Variants in CNTN5 observed in about 807,000 individuals in gnomAD.
CNTN5 encodes the protein contactin-5.
Under a neutral mutation model 129.1 loss-of-function variants are expected in CNTN5, and 77 were observed. The ratio of observed to expected loss-of-function variants is 0.60; its 90% CI spans 0.50 to 0.72. CNTN5 has a LOEUF of 0.72. Ranked by LOEUF, CNTN5 falls within the 30% of genes least tolerant of loss-of-function variation. CNTN5 has a pLI of 0.00. For synonymous variants in CNTN5, 509 were observed against 465.6 expected, an observed-to-expected ratio of 1.09 and a Z score of -1.20; for missense variants, 1,478 against 1,328.8, an observed-to-expected ratio of 1.11 and a Z score of -1.75.
intron 1 of CNTN5, among the ~76,000 whole-genome samples, chr11:99,174,594 A>G (rs1857685610): frequency 6.6e-6 from 1 of 152,070 alleles, no homozygotes. Flanking sequence ...ATTTTTTCTC[A>G]TATTGGCAAC....
intron 2 of CNTN5, among the ~76,000 whole-genome samples, chr11:99,435,555 C>T (rs1221152739): frequency 1.3e-5 from 2 of 152,194 alleles, no homozygotes; most frequent in Admixed American, 6.5e-5. Flanking sequence ...TGGTTACATG[C>T]ATCTACTTAA....
At chr11:100,339,654 T>C (rs1196421681) in intron 21 of CNTN5, among the ~76,000 whole-genome samples, 2 of 152,194 alleles carry the variant, frequency 1.3e-5, no homozygotes, top group Admixed American at 1.3e-4. Flanking sequence ...TGGGGACCCA[T>C]TTCTGTCTGC....
At chr11:99,787,742 G>GA (rs1026023947) in intron 3 of CNTN5, among the ~76,000 whole-genome samples, 6 of 151,876 alleles carry the variant, frequency 4.0e-5, no homozygotes, top group Non-Finnish European at 5.9e-5. Flanking sequence ...ACCAGAACCA[G>GA]AAAAAAATAT....
chr11:99,182,887 C>T (rs1858148909), intron 1 of CNTN5, among the ~76,000 whole-genome samples: 1 of 151,926 alleles, frequency 6.6e-6, no homozygotes, highest in Non-Finnish European at 1.5e-5. Context: ...ATATAATATG[C>T]AATCAAGAAG....
chr11:99,332,971 A>T (rs1354813967), intron 2 of CNTN5, among the ~76,000 whole-genome samples: 1 of 152,080 alleles, frequency 6.6e-6, no homozygotes, highest in East Asian at 1.9e-4. Flanking sequence ...CCATACTTTC[A>T]TGCATCGTAA....
At chr11:100,195,403 T>G (rs114260986) in intron 15 of CNTN5, among the ~76,000 whole-genome samples, 1 of 152,138 alleles carries the variant, frequency 6.6e-6, no homozygotes, top group Non-Finnish European at 1.5e-5. Flanking sequence ...GTTGATGTCA[T>G]TCATTTGTAT....
At chr11:99,999,421 G>A (rs1939704339) in intron 8 of CNTN5, among the ~76,000 whole-genome samples, 1 of 152,150 alleles carries the variant, frequency 6.6e-6, no homozygotes, top group African/African-American at 2.4e-5. Context: ...CATCATCACT[G>A]GCCATCAGAG....
intron 1 of CNTN5, among the ~76,000 whole-genome samples, chr11:99,234,896 C>T (rs1861187903): frequency 2.0e-5 from 3 of 152,234 alleles, no homozygotes; most frequent in Middle Eastern, 3.4e-3. Context: ...ATTCAGCTTG[C>T]TGTGTCTACT....
chr11:99,470,911 A>G (rs944412348), intron 2 of CNTN5, among the ~76,000 whole-genome samples: 16 of 152,266 alleles, frequency 1.1e-4, no homozygotes, highest in African/African-American at 3.6e-4. Flanking sequence ...ATGTGAAGTA[A>G]GTAAAAAGTT....
At chr11:99,761,713 C>T (rs549092278) in intron 3 of CNTN5, among the ~76,000 whole-genome samples, 15 of 150,700 alleles carry the variant, frequency 1.0e-4, no homozygotes, top group East Asian at 3.9e-4. Context: ...TGAATAATGC[C>T]GCAATAAACA....
At chr11:100,208,969 G>T (rs895421989) in intron 15 of CNTN5, among the ~76,000 whole-genome samples, 2 of 152,140 alleles carry the variant, frequency 1.3e-5, no homozygotes, top group African/African-American at 4.8e-5. Flanking sequence ...CTATTCTGCA[G>T]CAGGCTAGTC....
chr11:100,197,553 T>G (rs1247713950), intron 15 of CNTN5, among the ~76,000 whole-genome samples: 2 of 151,974 alleles, frequency 1.3e-5, no homozygotes. Flanking sequence ...GTCAGAGGTC[T>G]ACAAGAACCT....
intron 13 of CNTN5, among the ~76,000 whole-genome samples, chr11:100,149,005 C>G (rs144755707): frequency 2.6e-5 from 4 of 152,244 alleles, no homozygotes; most frequent in Non-Finnish European, 5.9e-5. Flanking sequence ...ACCAAGAGGA[C>G]TGCTGAGCAC....
At position 99,512,407 on chromosome 11, in the gene CNTN5, A is replaced by C. The variant is rs749077870; in HGVS notation, c.-70-43738A>C. ...TAAAGTATATTTATGATGTTTTCAC[A>C]AGAAATCGCCTAATGGGGCATTTCT... On this transcript the variant is annotated intron_variant, in intron 2 of 24. Transcript: ENST00000524871. Among the ~76,000 whole-genome samples, 3 of 152,180 alleles carry C rather than the reference A, an allele frequency of 2.0e-5. No individual in the cohort carries two copies. In the East Asian group the frequency reaches 5.8e-4, roughly 29 times the overall value.
At chr11:99,271,260 T>A (rs1863158213) in intron 1 of CNTN5, among the ~76,000 whole-genome samples, 2 of 151,898 alleles carry the variant, frequency 1.3e-5, no homozygotes, top group Non-Finnish European at 2.9e-5. Context: ...ATGCATTTTT[T>A]TATTTAACTA....
intron 15 of CNTN5, among the ~76,000 whole-genome samples, chr11:100,218,214 A>G (rs1470759454): frequency 6.6e-6 from 1 of 152,258 alleles, no homozygotes; most frequent in Non-Finnish European, 1.5e-5. Context: ...AACATTCAGT[A>G]TAAAATGTAA....
At chr11:99,739,260 T>G (rs1943815144) in intron 3 of CNTN5, among the ~76,000 whole-genome samples, 1 of 152,126 alleles carries the variant, frequency 6.6e-6, no homozygotes, top group African/African-American at 2.4e-5. Context: ...TTGCCCGTCT[T>G]AAAATATGGG....
At chr11:99,233,093 G>T (rs7940301) in intron 1 of CNTN5, among the ~76,000 whole-genome samples, 1,637 of 152,070 alleles carry the variant, frequency 0.011, 35 homozygotes, top group African/African-American at 0.037. Flanking sequence ...TACCTGTAGC[G>T]GGCCTTCAAG....
intron 8 of CNTN5, among the ~76,000 whole-genome samples, chr11:99,966,416 C>G (rs1490679590): frequency 1.3e-5 from 2 of 152,130 alleles, no homozygotes; most frequent in African/African-American, 4.8e-5. Flanking sequence ...AGATGCATTA[C>G]AGAGATGACC....
Sources: gnomAD v4.1 joint callset for allele counts (sites outside exome capture counted in the v4.1 genomes callset) on GRCh38, gnomAD v4.1.1 for gene constraint, MANE v1.5 for transcripts, NCBI Gene and HGNC (gene_info 2026-07-23, HGNC 2026-07-21) for gene names.